Variants in GRID2 observed in about 807,000 individuals in gnomAD.
The protein encoded by GRID2 is glutamate ionotropic receptor delta type subunit 2.
Under a neutral mutation model 114.8 loss-of-function variants are expected in GRID2, and 33 were observed. The observed-to-expected ratio is 0.29, with a 90% CI of 0.22 to 0.38. The LOEUF (loss-of-function observed/expected upper bound fraction) is 0.38. Among genes scored for constraint, GRID2 ranks in the 10% least tolerant of loss-of-function variants. The pLI, the probability that GRID2 is intolerant of heterozygous loss-of-function variation, is 1.00. For missense variants in GRID2, 1,184 were observed against 1,257.7 expected (o/e 0.94, Z 0.89); for synonymous variants, 505 against 449.9 (o/e 1.12, Z -1.55).
At chr4:93,090,593 C>G in intron 3 of GRID2, among the ~76,000 whole-genome samples, 1 of 152,192 alleles carries the variant, frequency 6.6e-6, no homozygotes, top group Non-Finnish European at 1.5e-5. Flanking sequence ...ACAGATATTG[C>G]TCCATGTAGC....
At chr4:92,750,025 C>T (rs1252887448) in intron 2 of GRID2, among the ~76,000 whole-genome samples, 2 of 152,104 alleles carry the variant, frequency 1.3e-5, no homozygotes, top group African/African-American at 2.4e-5. Flanking sequence ...CCAAGCCCAG[C>T]TAATTTGGTA....
chr4:92,824,021 AT>A (rs1310798778), intron 2 of GRID2, among the ~76,000 whole-genome samples: 3 of 152,142 alleles, frequency 2.0e-5, no homozygotes, highest in Non-Finnish European at 4.4e-5. Flanking sequence ...ATAATATCTA[AT>A]ACAAAGGGAC....
At chr4:93,376,174 G>A (rs1267641068) in intron 8 of GRID2, among the ~76,000 whole-genome samples, 3 of 152,100 alleles carry the variant, frequency 2.0e-5, no homozygotes, top group Admixed American at 6.6e-5. Context: ...GGGGGTTAGG[G>A]CGTCAACACC....
At chr4:92,315,713 G>A (rs1725931749) in intron 1 of GRID2, among the ~76,000 whole-genome samples, 1 of 152,144 alleles carries the variant, frequency 6.6e-6, no homozygotes, top group East Asian at 1.9e-4. Flanking sequence ...GCTCACGCCT[G>A]TAATCCCAAC....
intron 2 of GRID2, among the ~76,000 whole-genome samples, chr4:92,602,861 G>A (rs1281172632): frequency 6.6e-6 from 1 of 152,054 alleles, no homozygotes; most frequent in Non-Finnish European, 1.5e-5. Context: ...CAATGTCTCA[G>A]GATACAAAAT....
rs551319548 is a variant in GRID2 at position 93,449,040 on chromosome 4, G to A, written c.1546-6622G>A. 2.6e-4 allele frequency among the ~76,000 whole-genome samples: 35 copies of A among 137,062 alleles called. No homozygotes were observed. In the South Asian group the frequency reaches 6.0e-3, roughly 24 times the overall value. The allele number at this position is 137,062 out of a possible 152,430, so 89.9% of individuals were successfully genotyped here. A position where few individuals can be genotyped will look rare whatever the true frequency, so the allele number is the denominator to read the frequency against. ...TTTCCACCCTTTCTTCCTTCCTTTA[G>A]CATTTCTTCAATCCTTACTTTCTCC... On this transcript the variant is annotated intron_variant, in intron 10 of 15. Coordinates refer to ENST00000282020, the MANE Select transcript of GRID2 (RefSeq NM_001510.4).
rs753182624 is a variant in GRID2, at chr4:92,304,662, A to G, written c.6A>G (p.Glu2=). ...GAGAATCGGCATAGGAGGAGATGGA[A>G]GTTTTCCCCTTTCTCTTGGTTTTGT... The part of the protein sequence containing the change: M[E]VFPFLLVLSV... The change falls in exon 1 of 16, where the codon GAA becomes GAG. Residue 2 remains glutamate (E), a synonymous_variant. Transcript: ENST00000282020. 2.5e-6 allele frequency: 4 copies of G among 1,610,828 alleles called. No individual in the cohort carries two copies. In the South Asian group the frequency reaches 3.3e-5, roughly 13 times the overall value.
intron 1 of GRID2, among the ~76,000 whole-genome samples, chr4:92,537,734 A>G (rs1725715524): frequency 6.6e-6 from 1 of 151,792 alleles, no homozygotes; most frequent in South Asian, 2.1e-4. Context: ...TTTCAAAGAC[A>G]TTCCTGGAAT....
intron 4 of GRID2, among the ~76,000 whole-genome samples, chr4:93,205,213 G>GT (rs901069885): frequency 0.016 from 2,348 of 146,804 alleles, 56 homozygotes; most frequent in African/African-American, 0.048. Flanking sequence ...GGTATAAAGT[G>GT]TTTTTTTTTT....
intron 13 of GRID2, among the ~76,000 whole-genome samples, chr4:93,606,694 A>G (rs1373163891): frequency 2.0e-5 from 3 of 152,170 alleles, no homozygotes; most frequent in Admixed American, 6.5e-5. Flanking sequence ...TTATGTAAAC[A>G]TATTATTCAG....
chr4:92,360,420 A>G (rs1021005524), intron 1 of GRID2, among the ~76,000 whole-genome samples: 2 of 151,986 alleles, frequency 1.3e-5, no homozygotes, highest in African/African-American at 4.8e-5. Flanking sequence ...GAGTTCGAAT[A>G]AAAACACAGG....
At chr4:93,269,314 T>G (rs867631599) in intron 8 of GRID2, among the ~76,000 whole-genome samples, 2 of 152,218 alleles carry the variant, frequency 1.3e-5, no homozygotes, top group Non-Finnish European at 2.9e-5. Context: ...AAAAAGTTTT[T>G]GGTTAATTTT....
In GRID2 at chr4:93,512,798, T is replaced by G. The variant is rs374769480; in HGVS notation, c.1998-2418T>G. On this transcript the variant is annotated intron_variant, in intron 12 of 15. Coordinates refer to ENST00000282020, the MANE Select transcript of GRID2 (RefSeq NM_001510.4). Reference sequence around the variant, plus strand: ...AAACAACTTCTCCAGCTAAACTGTATTAAAACTCTATATTTTCAGGCTGTA... The same window carrying G: ...AAACAACTTCTCCAGCTAAACTGTAGTAAAACTCTATATTTTCAGGCTGTA... 6.0e-4 allele frequency among the ~76,000 whole-genome samples: 92 copies of G among 152,304 alleles called. 3 individuals carry two copies. In the South Asian group the frequency reaches 0.015, roughly 25 times the overall value.
intron 1 of GRID2, among the ~76,000 whole-genome samples, chr4:92,484,927 A>G (rs1205994848): frequency 6.6e-6 from 1 of 152,072 alleles, no homozygotes; most frequent in African/African-American, 2.4e-5. Flanking sequence ...ATTACATGGA[A>G]ATATGTAATA....
At chr4:92,326,593 T>C (rs951837696) in intron 1 of GRID2, among the ~76,000 whole-genome samples, 1 of 151,980 alleles carries the variant, frequency 6.6e-6, no homozygotes, top group African/African-American at 2.4e-5. Flanking sequence ...TTATTACTTG[T>C]TATTCATGGT....
intron 13 of GRID2, among the ~76,000 whole-genome samples, chr4:93,588,847 G>A (rs1012384432): frequency 3.3e-5 from 5 of 151,962 alleles, no homozygotes; most frequent in Non-Finnish European, 7.4e-5. Flanking sequence ...CAGAACATTT[G>A]ACAACACTGG....
chr4:93,082,582 C>A (rs948864725), intron 2 of GRID2, among the ~76,000 whole-genome samples: 2 of 152,150 alleles, frequency 1.3e-5, no homozygotes, highest in Admixed American at 6.6e-5. Flanking sequence ...AATTTACCAA[C>A]AAGTCATCAA....
Position 93,678,052 on chromosome 4 carries a change from C to T in GRID2, c.2360+51617C>T, listed in dbSNP as rs114171573. On this transcript the variant is annotated intron_variant, in intron 14 of 15. Coordinates refer to ENST00000282020, the MANE Select transcript of GRID2 (RefSeq NM_001510.4). Reference sequence around the variant, plus strand: ...GGAAAAAATTTAGACGAATGGATAACTAGACTAACCAATACAGAGAAGTGC... The same window carrying T: ...GGAAAAAATTTAGACGAATGGATAATTAGACTAACCAATACAGAGAAGTGC... Among the ~76,000 whole-genome samples the T allele has an allele frequency of 5.1e-3, 783 of 152,176 alleles. 6 individuals carry two copies. The highest frequency in any genetic ancestry group is 0.018 in the African/African-American group (735 of 41,504).
chr4:93,053,340 G>A (rs1726905939), intron 2 of GRID2, among the ~76,000 whole-genome samples: 1 of 151,780 alleles, frequency 6.6e-6, no homozygotes, highest in Non-Finnish European at 1.5e-5. Flanking sequence ...TGTCTATGTT[G>A]CATTTTTTGA....
Sources: gnomAD v4.1 joint callset for allele counts (sites outside exome capture counted in the v4.1 genomes callset) on GRCh38, gnomAD v4.1.1 for gene constraint, MANE v1.5 for transcripts, NCBI Gene and HGNC (gene_info 2026-07-23, HGNC 2026-07-21) for gene names.